HOXA3: variants seen among roughly 807,000 people sequenced by gnomAD.
HOXA3 encodes the protein homeobox protein Hox-A3.
In HOXA3, 8 loss-of-function variants were observed where a neutral mutation model predicts 30.3. The ratio of observed to expected loss-of-function variants is 0.26; its 90% CI spans 0.15 to 0.48. The LOEUF (loss-of-function observed/expected upper bound fraction) is 0.48. Ranked by LOEUF, HOXA3 falls within the 20% of genes least tolerant of loss-of-function variation. The pLI is 0.99. For synonymous variants in HOXA3, 323 were observed against 273.1 expected, an observed-to-expected ratio of 1.18 and a Z score of -1.80; for missense variants, 653 against 614.4, an observed-to-expected ratio of 1.06 and a Z score of -0.66.
At chr7:27,139,665 G>C (rs1268107140) in intron 2 of HOXA3, among the ~76,000 whole-genome samples, 4 of 152,126 alleles carry the variant, frequency 2.6e-5, no homozygotes, top group Non-Finnish European at 5.9e-5. Context: ...GCGCCCCACT[G>C]TCTCCCAGCC....
In HOXA3 at chr7:27,114,819, A is replaced by ATATATATAATATATATTATATATAT. The variant is rs1219953352; in HGVS notation, c.-120-4084_-120-4060dup. Among the ~76,000 whole-genome samples, 134 of 43,684 alleles carry ATATATATAATATATATTATATATAT rather than the reference A, an allele frequency of 3.1e-3. 18 individuals are homozygous for ATATATATAATATATATTATATATAT. The highest frequency in any genetic ancestry group is 5.6e-3 in the Non-Finnish European group (115 of 20,670). The allele number at this position is 43,684 out of a possible 152,430, so 28.7% of individuals were successfully genotyped here. Reference sequence around the variant, plus strand: ...TCAAACGGATTCCTAAAACATACATATATATATAATATATATTATATATAT... The same window carrying ATATATATAATATATATTATATATAT: ...TCAAACGGATTCCTAAAACATACATATATATATAATATATATTATATATATTATATATAATATATATTATATATAT... On this transcript the variant is annotated intron_variant, in intron 4 of 5. Coordinates refer to ENST00000612286, the MANE Select transcript of HOXA3 (RefSeq NM_153631.3).
chr7:27,129,510 C>G (rs1266396328), intron 2 of HOXA3: 1 of 1,614,038 alleles, frequency 6.2e-7, no homozygotes, highest in Non-Finnish European at 8.5e-7. Flanking sequence ...GCTCCAAGAC[C>G]TGCTGCCGGG....
intron 1 of HOXA3, chr7:27,141,713 T>C: frequency 8.0e-7 from 1 of 1,250,048 alleles, no homozygotes; most frequent in East Asian, 2.3e-5. Context: ...AAAAGATGAA[T>C]TAGGGCAACG....
At chr7:27,136,215 G>A (rs1463036168) in intron 2 of HOXA3, among the ~76,000 whole-genome samples, 1 of 152,240 alleles carries the variant, frequency 6.6e-6, no homozygotes, top group African/African-American at 2.4e-5. Flanking sequence ...CTTTCAGGGG[G>A]AAGGGGCCCC....
intron 1 of HOXA3, 62 bp downstream of exon 1, chr7:27,152,226 C>T: frequency 8.7e-7 from 1 of 1,147,334 alleles, no homozygotes; most frequent in Non-Finnish European, 1.1e-6. Context: ...CCTCTCCCAC[C>T]GCTACCGCCG....
intron 1 of HOXA3, chr7:27,147,478 G>A (rs781129112): frequency 6.2e-7 from 1 of 1,613,926 alleles, no homozygotes; most frequent in Non-Finnish European, 8.5e-7. Flanking sequence ...GCCACTGCCC[G>A]AGGGCGAGGC....
Position 27,108,337 on chromosome 7 carries a change from T to G in HOXA3, c.910A>C (p.Thr304Pro), listed in dbSNP as rs565794030. The change falls in exon 6 of 6, where the codon ACC becomes CCC. Residue 304 changes from threonine (T) to proline (P), a missense_variant. Physicochemically the swap from Thr to Pro is conservative, Grantham distance 38. Transcript: ENST00000612286. This position sits in a 1 kb window ranked among gnomAD's most constrained non-coding sequence, Gnocchi z 5.0. ...PPPFSKPPQG[T>P]YGLPPASYPA... ...TAGGAGGCGGGGGGCAGCCCGTAGG[T>G]ACCCTGGGGGGGCTTGGAGAAGGGC... The G allele has an allele frequency of 1.3e-6, 2 of 1,485,444 alleles. No individual in the cohort carries two copies. The highest frequency in any genetic ancestry group is 2.8e-5 in the African/African-American group (2 of 71,200). The allele number at this position is 1,485,444 out of a possible 1,614,324, so 92.0% of individuals were successfully genotyped here. A position where few individuals can be genotyped will look rare whatever the true frequency, so the allele number is the denominator to read the frequency against.
At chr7:27,111,846 T>C (rs1364023332) in intron 4 of HOXA3, among the ~76,000 whole-genome samples, 1 of 152,226 alleles carries the variant, frequency 6.6e-6, no homozygotes, top group East Asian at 1.9e-4. Context: ...TAATAGGTTC[T>C]GTCTTAGAAA....
intron 3 of HOXA3, among the ~76,000 whole-genome samples, chr7:27,125,920 A>G (rs1397762692): frequency 6.6e-6 from 1 of 152,102 alleles, no homozygotes; most frequent in Non-Finnish European, 1.5e-5. Flanking sequence ...ACCCCACCCC[A>G]CCCCATAGGG....
In HOXA3 at chr7:27,110,712, C is replaced by T; in HGVS notation, c.-72G>A. 1 of 1,577,104 alleles carries T rather than the reference C, an allele frequency of 6.3e-7. No homozygotes were observed. The highest frequency in any genetic ancestry group is 8.7e-7 in the Non-Finnish European group (1 of 1,154,724). ...ACCCGTGAGGGCGCACATTGGCACG[C>T]CCCCGCGGTCACGTGACACTCCGCC... is the stretch of plus-strand genomic sequence containing the variant. On this transcript the variant is annotated 5_prime_UTR_variant, in exon 5 of 6. Transcript: ENST00000612286.
chr7:27,147,868 A>C, intron 1 of HOXA3: 1 of 922,472 alleles, frequency 1.1e-6, no homozygotes, highest in Non-Finnish European at 1.6e-6. Flanking sequence ...GACAGCAGCA[A>C]ATCGCACCAG....
chr7:27,127,839 C>T (rs1166084366), intron 2 of HOXA3, among the ~76,000 whole-genome samples: 1 of 152,104 alleles, frequency 6.6e-6, no homozygotes, highest in Non-Finnish European at 1.5e-5. Flanking sequence ...ATGGGGTGAA[C>T]TTTAGGGGTA....
At position 27,108,666 on chromosome 7, in the gene HOXA3, G is replaced by T; in HGVS notation, c.581C>A (p.Ala194Glu). The T allele has an allele frequency of 5.6e-6, 9 of 1,613,392 alleles. No individual in the cohort carries two copies. Among genetic ancestry groups the T allele is most frequent in the Non-Finnish European group, 7.6e-6 (9 of 1,179,560 alleles). ...SPPGQASSKRARTAYTSAQLV... is the reference protein window; with the variant it reads ...SPPGQASSKRERTAYTSAQLV... ...CTGCGCGCTCGTGTAGGCCGTGCGC[G>T]CGCGCTTGGACGAAGCCTGCCCCGG... The change falls in exon 6 of 6, where the codon GCG becomes GAG. Residue 194 changes from alanine (A) to glutamate (E), a missense_variant. By Grantham distance (107) the Ala-to-Glu change is moderately radical (BLOSUM62 -1). Around this residue, in one of 3 missense-constraint regions of HOXA3, gnomAD observed 320 missense variants for 321.9 expected, o/e 0.99. Transcript: ENST00000612286. This position sits in a 1 kb window ranked among gnomAD's most constrained non-coding sequence, Gnocchi z 5.0.
rs753110975 is a variant in HOXA3, at chr7:27,110,428, G to C, written c.213C>G (p.Cys71Trp). The change falls in exon 5 of 6, where the codon TGC (cysteine) becomes TGG (tryptophan). Residue 71 changes from cysteine (C) to tryptophan (W), a missense_variant. Coordinates refer to ENST00000612286, the MANE Select transcript of HOXA3 (RefSeq NM_153631.3). ...TAGGTGGGGCGCTCAGGGTGCGCAG[G>C]CACGCCTCACTCAGTTCGTGTGCCT... is the stretch of plus-strand genomic sequence containing the variant. ...HPKAHELSEACLRTLSAPPSQ... is the reference protein window; with the variant it reads ...HPKAHELSEAWLRTLSAPPSQ... 24 of 1,563,114 alleles carry C rather than the reference G, an allele frequency of 1.5e-5. No homozygotes were observed. The highest frequency in any genetic ancestry group is 1.9e-5 in the Non-Finnish European group (22 of 1,155,464).
intron 1 of HOXA3, 82 bp downstream of exon 1, chr7:27,152,206 C>T: frequency 1.2e-6 from 1 of 840,634 alleles, no homozygotes; most frequent in East Asian, 7.0e-5. Flanking sequence ...CTTAAAGCCT[C>T]CCTGGGTGCC....
chr7:27,130,638 T>TGCGCCGCCC (rs1210748583), intron 2 of HOXA3: 28 of 1,589,960 alleles, frequency 1.8e-5, no homozygotes, highest in Non-Finnish European at 2.3e-5. Context: ...GGCCGCCGTC[T>TGCGCCGCCC]GCGCCGCCCG....
rs567885692 is a variant in HOXA3, at chr7:27,138,381, G to A, written c.-390+1702C>T. ...AGTGTAGGTGGCCTCTGCACAATAAGTTTATTGAAATTCCAAATCTATACT... is the reference window on the plus strand; with the variant it reads ...AGTGTAGGTGGCCTCTGCACAATAAATTTATTGAAATTCCAAATCTATACT... On this transcript the variant is annotated intron_variant, in intron 2 of 5. Coordinates refer to ENST00000612286, the MANE Select transcript of HOXA3 (RefSeq NM_153631.3). Among the ~76,000 whole-genome samples the A allele has an allele frequency of 2.6e-5, 4 of 152,312 alleles. No individual in the cohort carries two copies. In the South Asian group the frequency reaches 8.3e-4, roughly 32 times the overall value.
rs368191123 is a variant in HOXA3 at position 27,125,723 on chromosome 7, C to G, written c.-205+1163G>C. 5.9e-5 allele frequency among the ~76,000 whole-genome samples: 9 copies of G among 152,230 alleles called. No individual in the cohort carries two copies. In the East Asian group the frequency reaches 1.5e-3, roughly 26 times the overall value. On this transcript the variant is annotated intron_variant, in intron 3 of 5. Coordinates refer to ENST00000612286, the MANE Select transcript of HOXA3 (RefSeq NM_153631.3). ...GGGCAGCCTACTGCCTGCACAGAAC[C>G]CACTCATTCAGAGGGGAAGCCCCAG...
At chr7:27,143,700 C>G in intron 1 of HOXA3, 5 of 1,485,940 alleles carry the variant, frequency 3.4e-6, no homozygotes, top group Non-Finnish European at 4.5e-6. Flanking sequence ...ATGGAAATGA[C>G]TGGGACATGT....
Sources: allele counts gnomAD v4.1 joint callset (sites outside exome capture counted in the v4.1 genomes callset), GRCh38; gene constraint gnomAD v4.1.1; regional missense constraint gnomAD v4.1.1; non-coding constraint Gnocchi (gnomAD v3.1); transcripts MANE v1.5; gene names NCBI Gene and HGNC (gene_info 2026-07-23, HGNC 2026-07-21).